Variants in LDLRAD4 observed in about 807,000 individuals in gnomAD.
LDLRAD4 encodes the protein low-density lipoprotein receptor class A domain-containing protein 4.
A neutral mutation model predicts 17.0 loss-of-function variants in LDLRAD4; 5 were observed. The observed-to-expected ratio is 0.29, with a 90% CI of 0.15 to 0.62. LDLRAD4 has a LOEUF of 0.62. LDLRAD4 is among the 20% of genes least tolerant of loss of function. The pLI is 0.84. For missense variants in LDLRAD4, 340 were observed against 424.7 expected (o/e 0.80, Z 1.75); for synonymous variants, 168 against 171.8 (o/e 0.98, Z 0.17).
chr18:13,412,753 GC>G (rs879735935), intron 2 of LDLRAD4, among the ~76,000 whole-genome samples: 1 of 152,170 alleles, frequency 6.6e-6, no homozygotes, highest in Non-Finnish European at 1.5e-5. Flanking sequence ...TGTTTTTGAA[GC>G]CCCAGTGTCT....
At chr18:13,627,318 C>T (rs779084756) in intron 4 of LDLRAD4, among the ~76,000 whole-genome samples, 10 of 151,988 alleles carry the variant, frequency 6.6e-5, no homozygotes. Context: ...TTGGAGTTTC[C>T]ATCTTCTCTT....
At chr18:13,432,148 G>T (rs1276694021) in intron 2 of LDLRAD4, among the ~76,000 whole-genome samples, 2 of 152,232 alleles carry the variant, frequency 1.3e-5, no homozygotes, top group African/African-American at 4.8e-5. Flanking sequence ...AGGGGAGTGA[G>T]TGCGTGCATC....
At chr18:13,356,249 T>C (rs1167010160) in intron 1 of LDLRAD4, among the ~76,000 whole-genome samples, 1 of 152,200 alleles carries the variant, frequency 6.6e-6, no homozygotes, top group Non-Finnish European at 1.5e-5. Context: ...GGGAGGAGGC[T>C]CCCATCCATC....
chr18:13,400,732 A>G (rs1011050210), intron 2 of LDLRAD4, among the ~76,000 whole-genome samples: 1 of 152,212 alleles, frequency 6.6e-6, no homozygotes, highest in Non-Finnish European at 1.5e-5. Flanking sequence ...TTTGACCAGA[A>G]GAAGCCTTGC....
chr18:13,545,295 G>A (rs1421589542), intron 3 of LDLRAD4, among the ~76,000 whole-genome samples: 1 of 152,186 alleles, frequency 6.6e-6, no homozygotes. Flanking sequence ...CAGACGCCTG[G>A]AACTGGAGAA....
intron 1 of LDLRAD4, among the ~76,000 whole-genome samples, chr18:13,379,471 A>G (rs1185141931): frequency 6.6e-6 from 1 of 152,242 alleles, no homozygotes; most frequent in African/African-American, 2.4e-5. Context: ...AAGGATAATC[A>G]GGAAGCGTTG....
chr18:13,430,866 C>A (rs879232276), intron 2 of LDLRAD4, among the ~76,000 whole-genome samples: 4 of 152,160 alleles, frequency 2.6e-5, no homozygotes, highest in Admixed American at 2.6e-4. Flanking sequence ...AGGATGTGTC[C>A]CTGCTGAGCA....
At chr18:13,241,906 T>TG (rs1292428392) in intron 1 of LDLRAD4, 1 of 152,242 alleles carries the variant, frequency 6.6e-6, no homozygotes, top group Non-Finnish European at 1.5e-5. Flanking sequence ...ATAAATGTCG[T>TG]GGGGTTCACG....
Position 13,424,727 on chromosome 18 carries a change from C to T in LDLRAD4, c.41-13517C>T, listed in dbSNP as rs115049947. Among the ~76,000 whole-genome samples, 948 of 152,200 alleles carry T rather than the reference C, an allele frequency of 6.2e-3. 6 individuals carry two copies. The highest frequency in any genetic ancestry group is 0.022 in the African/African-American group (898 of 41,526). On this transcript the variant is annotated intron_variant, in intron 2 of 5. Transcript: ENST00000359446. Reference sequence around the variant, plus strand: ...CTAAAAGGTCAGTAGGCATTTGTCACGCAAGGGAATGAGGAGCAAGTCATT... The same window carrying T: ...CTAAAAGGTCAGTAGGCATTTGTCATGCAAGGGAATGAGGAGCAAGTCATT...
Position 13,549,061 on chromosome 18 carries a change from C to T in LDLRAD4, c.182-72056C>T, listed in dbSNP as rs143730067. Among the ~76,000 whole-genome samples, 288 of 152,328 alleles carry T rather than the reference C, an allele frequency of 1.9e-3. 1 individual carries two copies. Among genetic ancestry groups the T allele is most frequent in the Non-Finnish European group, 3.3e-3 (227 of 68,032 alleles). ...TGATTCTACAGGGAGTTGCATTTCG[C>T]TTTTGTCACAAATGGATGCTGGTGT... is the stretch of plus-strand genomic sequence containing the variant. On this transcript the variant is annotated intron_variant, in intron 3 of 5. Coordinates refer to ENST00000359446, the Ensembl canonical transcript of LDLRAD4.
chr18:13,644,401 A>C (rs2042879195), intron 5 of LDLRAD4, among the ~76,000 whole-genome samples: 1 of 72,480 alleles, frequency 1.4e-5, no homozygotes, highest in East Asian at 9.8e-4. Context: ...ACCCCATCTC[A>C]AAAAAAAAAA....
intron 1 of LDLRAD4, among the ~76,000 whole-genome samples, chr18:13,298,294 A>T (rs779156873): frequency 2.0e-5 from 3 of 152,180 alleles, no homozygotes; most frequent in Non-Finnish European, 4.4e-5. Context: ...ACAATGTTGG[A>T]GCTGCTCTGG....
At chr18:13,542,500 TCTC>T (rs1442525102) in intron 3 of LDLRAD4, 1 of 152,752 alleles carries the variant, frequency 6.5e-6, no homozygotes, top group African/African-American at 2.4e-5. Flanking sequence ...CCTGCTGGCT[TCTC>T]CTCAGCACTT....
At chr18:13,487,415 C>T (rs968283795) in intron 3 of LDLRAD4, 2 of 152,226 alleles carry the variant, frequency 1.3e-5, no homozygotes, top group Admixed American at 6.5e-5. Context: ...AAGGGCTGCT[C>T]AAAGAAGAAC....
At chr18:13,268,352 G>C (rs2044338668) in intron 1 of LDLRAD4, among the ~76,000 whole-genome samples, 1 of 152,200 alleles carries the variant, frequency 6.6e-6, no homozygotes, top group Non-Finnish European at 1.5e-5. Context: ...CTGAGCATCT[G>C]AAAATATGGG....
At chr18:13,465,688 AG>A (rs1170525649) in intron 3 of LDLRAD4, among the ~76,000 whole-genome samples, 1 of 152,246 alleles carries the variant, frequency 6.6e-6, no homozygotes, top group Non-Finnish European at 1.5e-5. Flanking sequence ...CAACGCCAAA[AG>A]GAAATGGGAT....
chr18:13,370,082 G>C (rs945294160), intron 1 of LDLRAD4, among the ~76,000 whole-genome samples: 10 of 152,256 alleles, frequency 6.6e-5, no homozygotes, highest in African/African-American at 2.2e-4. Context: ...CTGGTTGCAG[G>C]TGGCCTGCCA....
intron 3 of LDLRAD4, among the ~76,000 whole-genome samples, chr18:13,545,124 C>T (rs1201253676): frequency 6.6e-6 from 1 of 152,072 alleles, no homozygotes; most frequent in East Asian, 1.9e-4. Flanking sequence ...GTGTTAGTGG[C>T]CTCCTCTTGA....
chr18:13,537,875 G>GT (rs1248488515), intron 3 of LDLRAD4, among the ~76,000 whole-genome samples: 3 of 152,062 alleles, frequency 2.0e-5, no homozygotes, highest in African/African-American at 7.2e-5. Flanking sequence ...GGGCTCTTCA[G>GT]TTTTTCTGTT....
Sources: allele counts gnomAD v4.1 joint callset (sites outside exome capture counted in the v4.1 genomes callset), GRCh38; gene constraint gnomAD v4.1.1; transcripts MANE v1.5; gene names NCBI Gene and HGNC (gene_info 2026-07-23, HGNC 2026-07-21).